Variants in OPCML observed in about 807,000 individuals in gnomAD.
The protein encoded by OPCML is opioid binding protein/cell adhesion molecule like, also known as opioid-binding protein/cell adhesion molecule.
Under a neutral mutation model 37.8 loss-of-function variants are expected in OPCML, and 13 were observed. The observed-to-expected ratio is 0.34, with a 90% confidence interval of 0.22 to 0.55. OPCML has a LOEUF of 0.55. Among genes scored for constraint, OPCML ranks in the 20% least tolerant of loss-of-function variants. The pLI is 0.91. For synonymous variants in OPCML, 176 were observed against 168.8 expected (o/e 1.04, Z -0.33); for missense variants, 341 against 435.6 (o/e 0.78, Z 1.93).
intron 1 of OPCML, chr11:133,005,271 A>T: frequency 1.0e-6 from 1 of 985,422 alleles, no homozygotes; most frequent in African/African-American, 1.7e-5. Context: ...GCATGAATGA[A>T]TCAATAGCCA....
intron 3 of OPCML, among the ~76,000 whole-genome samples, chr11:132,614,223 GGTCT>G: frequency 6.6e-6 from 1 of 152,070 alleles, no homozygotes; most frequent in African/African-American, 2.4e-5. Context: ...TGCTGGATTT[GGTCT>G]GTTTTTCCCT....
At chr11:132,725,778 C>CAAAAAAAAAAAAA (rs34622834) in intron 2 of OPCML, among the ~76,000 whole-genome samples, 1 of 73,908 alleles carries the variant, frequency 1.4e-5, no homozygotes. Flanking sequence ...GACTCCATCT[C>CAAAAAAAAAAAAA]AAAAAAAAAA....
intron 1 of OPCML, chr11:133,005,323 T>G (rs1591902753): frequency 1.0e-6 from 1 of 985,420 alleles, no homozygotes; most frequent in East Asian, 1.1e-4. Flanking sequence ...CCCACATTGC[T>G]TGGAAGTAAC....
chr11:133,088,693 TGA>T (rs1428695426), intron 1 of OPCML, among the ~76,000 whole-genome samples: 6 of 152,172 alleles, frequency 3.9e-5, no homozygotes, highest in Admixed American at 6.5e-5. Context: ...AGACTTTAAA[TGA>T]GAGTGGAACA....
At chr11:132,671,456 T>G (rs113474926) in intron 2 of OPCML, among the ~76,000 whole-genome samples, 1,633 of 152,238 alleles carry the variant, frequency 0.011, 17 homozygotes, top group Non-Finnish European at 0.017. Context: ...TGCTTTTAAT[T>G]TGTGTCACCT....
intron 1 of OPCML, among the ~76,000 whole-genome samples, chr11:133,493,175 T>C (rs907792098): frequency 6.6e-6 from 1 of 152,340 alleles, no homozygotes; most frequent in East Asian, 1.9e-4. Flanking sequence ...CCATCCTGGC[T>C]GGGAGCCTCT....
intron 2 of OPCML, among the ~76,000 whole-genome samples, chr11:132,762,321 T>C (rs1015254911): frequency 1.3e-5 from 2 of 152,208 alleles, no homozygotes; most frequent in South Asian, 2.1e-4. Context: ...GTCTGTCCCT[T>C]AGCAGAGCCT....
intron 1 of OPCML, among the ~76,000 whole-genome samples, chr11:133,470,569 T>C (rs1947083669): frequency 6.6e-6 from 1 of 152,114 alleles, no homozygotes; most frequent in African/African-American, 2.4e-5. Flanking sequence ...CTTTCCCTGG[T>C]CCCTGCCACC....
At chr11:132,996,509 G>T (rs1381146058) in intron 1 of OPCML, among the ~76,000 whole-genome samples, 1 of 150,428 alleles carries the variant, frequency 6.6e-6, no homozygotes, top group Admixed American at 6.6e-5. Context: ...CTACTCGGAA[G>T]CCTGAGACAA....
intron 1 of OPCML, among the ~76,000 whole-genome samples, chr11:133,329,907 C>T (rs1457146994): frequency 6.6e-6 from 1 of 152,156 alleles, no homozygotes; most frequent in Non-Finnish European, 1.5e-5. Context: ...AGGCAACCTA[C>T]AGAATGGGAG....
At chr11:133,492,562 G>A (rs931890950) in intron 1 of OPCML, among the ~76,000 whole-genome samples, 4 of 152,046 alleles carry the variant, frequency 2.6e-5, no homozygotes, top group Non-Finnish European at 5.9e-5. Flanking sequence ...TATGAATGGA[G>A]AGATAAGTCA....
intron 1 of OPCML, among the ~76,000 whole-genome samples, chr11:133,425,987 C>A (rs2136905243): frequency 6.6e-6 from 1 of 152,254 alleles, no homozygotes; most frequent in Non-Finnish European, 1.5e-5. Flanking sequence ...TCAATTTGTG[C>A]TAGGAAGTTG....
intron 1 of OPCML, among the ~76,000 whole-genome samples, chr11:133,184,178 C>A (rs1376220044): frequency 1.3e-5 from 2 of 152,138 alleles, no homozygotes; most frequent in Non-Finnish European, 2.9e-5. Flanking sequence ...TGTCTATTTC[C>A]TCACTCGCTT....
intron 2 of OPCML, among the ~76,000 whole-genome samples, chr11:132,937,652 C>T (rs566687590): frequency 3.2e-4 from 48 of 150,424 alleles, no homozygotes; most frequent in Non-Finnish European, 5.5e-4. Context: ...GAGGCAGACA[C>T]ATTCCCACCA....
chr11:133,261,681 C>T (rs1941500119), intron 1 of OPCML, among the ~76,000 whole-genome samples: 1 of 152,196 alleles, frequency 6.6e-6, no homozygotes, highest in East Asian at 1.9e-4. Flanking sequence ...GCGCATAGTA[C>T]ATGCACAGTA....
At chr11:133,063,122 A>G (rs923172992) in intron 1 of OPCML, among the ~76,000 whole-genome samples, 5 of 152,204 alleles carry the variant, frequency 3.3e-5, no homozygotes, top group Admixed American at 2.6e-4. Context: ...CAGCCTTCGC[A>G]GTGTAAGTTT....
intron 2 of OPCML, among the ~76,000 whole-genome samples, chr11:132,873,439 C>T (rs1296958572): frequency 2.0e-5 from 3 of 152,112 alleles, no homozygotes; most frequent in East Asian, 1.9e-4. Flanking sequence ...CCCCTTACTG[C>T]GCCCTTTCCC....
At chr11:133,130,490 T>C (rs1375769726) in intron 1 of OPCML, among the ~76,000 whole-genome samples, 3 of 152,120 alleles carry the variant, frequency 2.0e-5, no homozygotes, top group African/African-American at 7.2e-5. Flanking sequence ...TGAGAAAAAC[T>C]ACAAATTCTG....
At chr11:132,660,142 A>G (rs1941898032) in intron 2 of OPCML, among the ~76,000 whole-genome samples, 1 of 152,198 alleles carries the variant, frequency 6.6e-6, no homozygotes. Flanking sequence ...TAAGAGGGAT[A>G]GGCCCCTTTT....
Sources: gnomAD v4.1 joint callset for allele counts (sites outside exome capture counted in the v4.1 genomes callset) on GRCh38, gnomAD v4.1.1 for gene constraint, MANE v1.5 for transcripts, NCBI Gene and HGNC (gene_info 2026-07-23, HGNC 2026-07-21) for gene names.